PLEKHH2: variants seen among roughly 807,000 people sequenced by gnomAD.
The protein encoded by PLEKHH2 is pleckstrin homology domain-containing family H member 2.
PLEKHH2 carries 129 observed loss-of-function variants against 187.9 expected under a neutral mutation model. The ratio of observed to expected loss-of-function variants is 0.69; its 90% CI spans 0.59 to 0.79. PLEKHH2 has a LOEUF of 0.79. Ranked by LOEUF, PLEKHH2 falls within the 30% of genes least tolerant of loss-of-function variation. The probability of loss-of-function intolerance (pLI) is 0.00; values close to 1 mark genes in which losing one functional copy is unlikely to be tolerated. For missense variants in PLEKHH2, 2,076 were observed against 1,751.2 expected, an observed-to-expected ratio of 1.19 and a Z score of -3.31; for synonymous variants, 686 against 605.6, an observed-to-expected ratio of 1.13 and a Z score of -1.95.
chr2:43,653,360 T>G (rs572452801), intron 2 of PLEKHH2, among the ~76,000 whole-genome samples: 11 of 152,108 alleles, frequency 7.2e-5, no homozygotes, highest in South Asian at 2.1e-4. Flanking sequence ...AAAGCACCAC[T>G]AGAAATTAGA....
chr2:43,722,027 C>T (rs768598672), intron 16 of PLEKHH2, among the ~76,000 whole-genome samples: 3 of 151,154 alleles, frequency 2.0e-5, no homozygotes, highest in Non-Finnish European at 2.9e-5. Context: ...AGCCACTGTA[C>T]GTGTTACAGG....
At chr2:43,678,441 G>A (rs1026850163) in intron 2 of PLEKHH2, among the ~76,000 whole-genome samples, 8 of 151,640 alleles carry the variant, frequency 5.3e-5, no homozygotes, top group African/African-American at 1.7e-4. Context: ...AGTGAACGAG[G>A]CTCCGTCTGC....
rs1282750880 is a variant in PLEKHH2 at position 43,700,511 on chromosome 2, A to T, written c.1553A>T (p.Asp518Val). 6.2e-7 allele frequency: 1 copy of T among 1,613,948 alleles called. No individual in the cohort carries two copies. The highest frequency in any genetic ancestry group is 1.3e-5 in the African/African-American group (1 of 74,976). ...DDGLFSYDSL[D>V]SPNSDDQEHC... Reference sequence around the variant, plus strand: ...GGATTATTTTCCTATGACTCCTTGGACTCTCCAAATTCAGATGACCAGGAA... The same window carrying T: ...GGATTATTTTCCTATGACTCCTTGGTCTCTCCAAATTCAGATGACCAGGAA... Residue 518 changes from aspartate (D) to valine (V), a missense_variant, in exon 8 of 30, where the codon GAC becomes GTC. Coordinates refer to ENST00000282406, the MANE Select transcript of PLEKHH2 (RefSeq NM_172069.4).
chr2:43,760,359 C>CTTTTTTTTTTTTTT (rs763777313), intron 27 of PLEKHH2, among the ~76,000 whole-genome samples: 2 of 119,076 alleles, frequency 1.7e-5, no homozygotes, highest in Non-Finnish European at 1.7e-5. Context: ...ACCCTTTAAC[C>CTTTTTTTTTTTTTT]TTTTTTTTTT....
In PLEKHH2 at chr2:43,762,428, G is replaced by A. The variant is rs1298735897; in HGVS notation, c.4158+38G>A. ...GCTCAAGTTTTGCATTAAGTCAACTGTTTCCATTGCTCAGTGTACCGTAAA... is the reference window on the plus strand; with the variant it reads ...GCTCAAGTTTTGCATTAAGTCAACTATTTCCATTGCTCAGTGTACCGTAAA... On this transcript the variant is annotated intron_variant, in intron 28 of 29. Coordinates refer to ENST00000282406, the MANE Select transcript of PLEKHH2 (RefSeq NM_172069.4). 2.1e-6 allele frequency: 3 copies of A among 1,436,358 alleles called. No homozygotes were observed. In the East Asian group the frequency reaches 6.8e-5, roughly 33 times the overall value. 89.0% of individuals were successfully genotyped at this position (1,436,358 alleles called of 1,614,324 possible).
intron 20 of PLEKHH2, among the ~76,000 whole-genome samples, chr2:43,738,895 C>T (rs892912546): frequency 2.0e-5 from 3 of 152,132 alleles, no homozygotes; most frequent in African/African-American, 7.2e-5. Context: ...CAGTAGACAT[C>T]TTTGAACCTA....
At chr2:43,671,197 G>C (rs1029882303) in intron 2 of PLEKHH2, among the ~76,000 whole-genome samples, 1 of 151,960 alleles carries the variant, frequency 6.6e-6, no homozygotes. Flanking sequence ...ATGTTGGCCA[G>C]GCTGGTCTAG....
intron 21 of PLEKHH2, chr2:43,741,265 C>G (rs1364784099): frequency 2.9e-6 from 1 of 341,510 alleles, no homozygotes; most frequent in African/African-American, 2.1e-5. Flanking sequence ...GAAAAACTGA[C>G]AGAGAATATT....
chr2:43,679,434 C>T, intron 3 of PLEKHH2: 1 of 313,008 alleles, frequency 3.2e-6, no homozygotes, highest in Non-Finnish European at 6.2e-6. Context: ...AGGAAACACC[C>T]CAAAATTTTA....
chr2:43,740,976 C>G lies in PLEKHH2; in HGVS notation c.3154C>G (p.Leu1052Val), dbSNP rs779254905. The G allele has an allele frequency of 2.5e-6, 4 of 1,613,966 alleles. No individual in the cohort carries two copies. The African/African-American group carries it at 5.3e-5, about 22-fold the overall frequency. The change falls in exon 21 of 30, where the codon CTC (leucine) becomes GTC (valine). Residue 1052 changes from leucine (L) to valine (V), a missense_variant. Physicochemically the swap from Leu to Val is conservative, Grantham distance 32. Coordinates refer to ENST00000282406, the MANE Select transcript of PLEKHH2 (RefSeq NM_172069.4). ...GWQLLALCVG[L>V]FLPHHPFLWL... Reference sequence around the variant, plus strand: ...GCAGCTCTTGGCACTCTGCGTTGGGCTCTTCCTTCCCCATCATCCTTTCCT... The same window carrying G: ...GCAGCTCTTGGCACTCTGCGTTGGGGTCTTCCTTCCCCATCATCCTTTCCT...
intron 8 of PLEKHH2, 65 bp from the exon 9 acceptor site, chr2:43,703,916 C>CTTTTTTTTTTTTT: frequency 7.8e-6 from 3 of 384,604 alleles, no homozygotes; most frequent in South Asian, 4.5e-5. Context: ...TGAAAGTAGT[C>CTTTTTTTTTTTTT]TTTTTTTTTT....
rs759576777 is a variant in PLEKHH2, at chr2:43,757,237, G to A, written c.3914G>A (p.Arg1305Lys). The change falls in exon 26 of 30, where the codon AGA becomes AAA. Residue 1305 changes from arginine (R) to lysine (K), a missense_variant. Coordinates refer to ENST00000282406, the MANE Select transcript of PLEKHH2 (RefSeq NM_172069.4). ...GAGAAATTTTATCCTAAAAGGTATA[G>A]AGATGGCTGTTCTGAAGAGCAGTTA... ...VIEKFYPKRYRDGCSEEQLRQ... is the reference protein window; with the variant it reads ...VIEKFYPKRYKDGCSEEQLRQ... The A allele has an allele frequency of 3.1e-6, 5 of 1,591,188 alleles. No homozygotes were observed. In the East Asian group the frequency reaches 1.2e-4, roughly 37 times the overall value.
intron 2 of PLEKHH2, among the ~76,000 whole-genome samples, chr2:43,671,180 T>G (rs1667481598): frequency 6.6e-6 from 1 of 151,788 alleles, no homozygotes; most frequent in Non-Finnish European, 1.5e-5. Flanking sequence ...AGAGACCGGG[T>G]TTTACCATGT....
chr2:43,671,227 TCCACCCA>T (rs1478001978), intron 2 of PLEKHH2, among the ~76,000 whole-genome samples: 2 of 152,134 alleles, frequency 1.3e-5, no homozygotes, highest in Non-Finnish European at 2.9e-5. Flanking sequence ...CCTCAGGTTA[TCCACCCA>T]CCTCGGCCTC....
At chr2:43,756,375 C>A (rs1014332761) in intron 25 of PLEKHH2, among the ~76,000 whole-genome samples, 1 of 152,058 alleles carries the variant, frequency 6.6e-6, no homozygotes, top group African/African-American at 2.4e-5. Flanking sequence ...TGACTGCAAC[C>A]TCCGCCTCCT....
intron 11 of PLEKHH2, 135 bp downstream of exon 11, chr2:43,707,680 A>G: frequency 3.3e-6 from 3 of 903,348 alleles, no homozygotes; most frequent in Non-Finnish European, 4.9e-6. Context: ...ACTTTAGCCT[A>G]TGACTGATAT....
chr2:43,666,357 G>T (rs1017080417), intron 2 of PLEKHH2, among the ~76,000 whole-genome samples: 18 of 151,302 alleles, frequency 1.2e-4, no homozygotes, highest in Non-Finnish European at 2.4e-4. Flanking sequence ...ACACCCACTG[G>T]CCTGCGCCCA....
intron 2 of PLEKHH2, among the ~76,000 whole-genome samples, chr2:43,652,394 C>T (rs1308806843): frequency 6.6e-6 from 1 of 152,170 alleles, no homozygotes; most frequent in African/African-American, 2.4e-5. Context: ...AAGCCTTATT[C>T]TAGGCTATGC....
In PLEKHH2 at chr2:43,692,673, A is replaced by T; in HGVS notation, c.336+10A>T. On this transcript the variant is annotated intron_variant, in intron 4 of 29. Transcript: ENST00000282406. The stretch of plus-strand genomic sequence containing the variant: ...GCAACTTGAAGAGCAGGTTAGGAAG[A>T]ATTTGATAAAGAGTTCTAAGTGTGT... 1 of 1,610,658 alleles carries T rather than the reference A, an allele frequency of 6.2e-7. No homozygotes were observed. The highest frequency in any genetic ancestry group is 8.5e-7 in the Non-Finnish European group (1 of 1,178,144).
Sources: gnomAD v4.1 joint callset for allele counts (sites outside exome capture counted in the v4.1 genomes callset) on GRCh38, gnomAD v4.1.1 for gene constraint, MANE v1.5 for transcripts, NCBI Gene and HGNC (gene_info 2026-07-23, HGNC 2026-07-21) for gene names.